The following PLS1 variants were observed in gnomAD, a reference collection of about 807,000 sequenced individuals.
PLS1 encodes the protein plastin 1.
Under a neutral mutation model 73.7 loss-of-function variants are expected in PLS1, and 32 were observed. That is an observed-to-expected ratio of 0.43 (90% CI 0.33 to 0.58). The LOEUF (loss-of-function observed/expected upper bound fraction) is 0.58, where lower values mean the gene tolerates loss of function less well. Among genes scored for constraint, PLS1 ranks in the 20% least tolerant of loss-of-function variants. The probability of loss-of-function intolerance (pLI) is 0.04; values close to 1 mark genes in which losing one functional copy is unlikely to be tolerated. For missense variants in PLS1, 633 were observed against 740.5 expected, an observed-to-expected ratio of 0.85 and a Z score of 1.68; for synonymous variants, 217 against 261.3, an observed-to-expected ratio of 0.83 and a Z score of 1.63.
At chr3:142,634,590 T>G (rs2036637219) in intron 1 of PLS1, among the ~76,000 whole-genome samples, 5 of 152,210 alleles carry the variant, frequency 3.3e-5, no homozygotes, top group Admixed American at 2.6e-4. Flanking sequence ...GGAGGAACAT[T>G]ATTAAGGTAG....
chr3:142,684,876 C>T (rs1027477133), intron 8 of PLS1, among the ~76,000 whole-genome samples: 16 of 152,156 alleles, frequency 1.1e-4, no homozygotes, highest in South Asian at 6.2e-4. Context: ...AAAACACTTC[C>T]CTCTCTACTG....
intron 1 of PLS1, among the ~76,000 whole-genome samples, chr3:142,615,380 C>T (rs535694463): frequency 6.6e-6 from 1 of 152,254 alleles, no homozygotes; most frequent in African/African-American, 2.4e-5. Context: ...GGTGACTGTG[C>T]TTCCAGAGTG....
At chr3:142,637,849 G>A (rs2036727468) in intron 1 of PLS1, among the ~76,000 whole-genome samples, 1 of 151,398 alleles carries the variant, frequency 6.6e-6, no homozygotes, top group African/African-American at 2.4e-5. Context: ...AACATGCCAG[G>A]CCCCCCCGCC....
intron 1 of PLS1, among the ~76,000 whole-genome samples, chr3:142,629,257 C>T (rs553791886): frequency 2.0e-5 from 3 of 151,164 alleles, no homozygotes; most frequent in East Asian, 1.9e-4. Flanking sequence ...AGTGCAATGG[C>T]GCGATCTTGG....
At chr3:142,609,119 A>G (rs1332498292) in intron 1 of PLS1, among the ~76,000 whole-genome samples, 1 of 152,252 alleles carries the variant, frequency 6.6e-6, no homozygotes, top group Non-Finnish European at 1.5e-5. Context: ...TTCCCTGCTT[A>G]TTCAGCTAAT....
chr3:142,707,970 T>C (rs2038501233), intron 14 of PLS1, among the ~76,000 whole-genome samples: 3 of 152,176 alleles, frequency 2.0e-5, no homozygotes, highest in Non-Finnish European at 1.5e-5. Flanking sequence ...CATGGGCAAG[T>C]TATTAATTTC....
intron 1 of PLS1, among the ~76,000 whole-genome samples, chr3:142,663,631 C>T (rs929625769): frequency 4.6e-5 from 7 of 151,992 alleles, no homozygotes; most frequent in African/African-American, 1.2e-4. Flanking sequence ...CCTAGGAGTT[C>T]GGGACTGCAG....
chr3:142,676,360 C>T, intron 5 of PLS1, 71 bp downstream of exon 5: 2 of 1,389,558 alleles, frequency 1.4e-6, no homozygotes, highest in Non-Finnish European at 2.0e-6. Context: ...ATGAAAACTC[C>T]AATTCAGCTG....
rs1933193385 is a variant in PLS1, at chr3:142,712,721, A to G, written c.*714A>G. Reference sequence around the variant, plus strand: ...GTTGGTAGGATGTTATTAGAGAGATATGTGTGCATATATATTTTTTTGCAC... The same window carrying G: ...GTTGGTAGGATGTTATTAGAGAGATGTGTGTGCATATATATTTTTTTGCAC... On this transcript the variant is annotated 3_prime_UTR_variant, in exon 16 of 16. Transcript: ENST00000457734. 6.6e-6 allele frequency: 1 copy of G among 152,534 alleles called. No homozygotes were observed. Among genetic ancestry groups the G allele is most frequent in the Non-Finnish European group, 1.5e-5 (1 of 67,976 alleles). The allele number at this position is 152,534 out of a possible 1,614,324, so 9.4% of individuals were successfully genotyped here. A position where few individuals can be genotyped will look rare whatever the true frequency, so the allele number is the denominator to read the frequency against.
In PLS1 at chr3:142,611,387, C is replaced by T. The variant is rs565395198; in HGVS notation, c.-37+14878C>T. The stretch of plus-strand genomic sequence containing the variant: ...CTGTAATCCCAACACTTTGAGAGGC[C>T]GAGGTGGGAGGATCATCTGAGGCCA... On this transcript the variant is annotated intron_variant, in intron 1 of 15. Transcript: ENST00000457734. 5.9e-5 allele frequency among the ~76,000 whole-genome samples: 9 copies of T among 152,142 alleles called. No homozygotes were observed. In the South Asian group the frequency reaches 1.2e-3, roughly 21 times the overall value.
Position 142,669,402 on chromosome 3 carries a change from G to T in PLS1, c.83G>T (p.Ser28Ile). ...EAFNKIDIDN[S>I]GYVSDYELQD... ...TATATCTTTACAGATATTGACAATA[G>T]TGGGTATGTCAGTGACTATGAACTT... Residue 28 changes from serine to isoleucine, a missense_variant, in exon 3 of 16, where the codon AGT becomes ATT. Coordinates refer to ENST00000457734, the MANE Select transcript of PLS1 (RefSeq NM_001145319.2). The T allele has an allele frequency of 6.4e-7, 1 of 1,555,902 alleles. No individual in the cohort carries two copies. Among genetic ancestry groups the T allele is most frequent in the Non-Finnish European group, 8.8e-7 (1 of 1,133,616 alleles).
intron 1 of PLS1, among the ~76,000 whole-genome samples, chr3:142,630,274 A>G (rs925747689): frequency 3.3e-5 from 5 of 151,596 alleles, no homozygotes; most frequent in Non-Finnish European, 7.4e-5. Context: ...GACAAAAACT[A>G]TCGGGGCGTG....
At chr3:142,628,090 A>G (rs2036469119) in intron 1 of PLS1, among the ~76,000 whole-genome samples, 1 of 152,232 alleles carries the variant, frequency 6.6e-6, no homozygotes, top group Non-Finnish European at 1.5e-5. Context: ...TTTCTTGAAT[A>G]TCATGTAGAA....
chr3:142,675,595 C>T (rs1185756285), intron 4 of PLS1, among the ~76,000 whole-genome samples: 2 of 152,024 alleles, frequency 1.3e-5, no homozygotes, highest in Non-Finnish European at 2.9e-5. Context: ...ACATGTTGGC[C>T]AGGATGGTCT....
At chr3:142,702,400 A>G (rs2038349799) in intron 12 of PLS1, among the ~76,000 whole-genome samples, 2 of 152,070 alleles carry the variant, frequency 1.3e-5, no homozygotes, top group African/African-American at 4.8e-5. Context: ...AAATTCTTTT[A>G]TTGTATTAGC....
intron 14 of PLS1, among the ~76,000 whole-genome samples, chr3:142,704,917 C>T (rs1271124613): frequency 6.6e-6 from 1 of 151,552 alleles, no homozygotes; most frequent in Non-Finnish European, 1.5e-5. Flanking sequence ...CTCAGCCTCC[C>T]AAAGTGTTGG....
chr3:142,632,611 T>TC (rs1553782464), intron 1 of PLS1, among the ~76,000 whole-genome samples: 32 of 151,494 alleles, frequency 2.1e-4, no homozygotes, highest in African/African-American at 2.9e-4. Context: ...TTTTTTTTTT[T>TC]CCCCTGAGAC....
chr3:142,633,634 C>T (rs922229674), intron 1 of PLS1, among the ~76,000 whole-genome samples: 4 of 151,436 alleles, frequency 2.6e-5, no homozygotes, highest in East Asian at 3.9e-4. Flanking sequence ...CCAGCCTGGG[C>T]GAGAAGAGCG....
At chr3:142,657,529 C>T (rs1173778666) in intron 1 of PLS1, among the ~76,000 whole-genome samples, 1 of 152,182 alleles carries the variant, frequency 6.6e-6, no homozygotes, top group Admixed American at 6.5e-5. Context: ...ACATTGTCAC[C>T]CGAGCTGGTG....
Sources: allele counts gnomAD v4.1 joint callset (sites outside exome capture counted in the v4.1 genomes callset), GRCh38; gene constraint gnomAD v4.1.1; transcripts MANE v1.5; gene names NCBI Gene and HGNC (gene_info 2026-07-23, HGNC 2026-07-21).